Variants in LRMDA observed in about 807,000 individuals in gnomAD.
LRMDA encodes leucine-rich melanocyte differentiation-associated protein.
In LRMDA, 18 loss-of-function variants were observed where a neutral mutation model predicts 29.8. The observed-to-expected ratio is 0.60, with a 90% CI of 0.42 to 0.90. The LOEUF (loss-of-function observed/expected upper bound fraction) is 0.90. Ranked by LOEUF, LRMDA falls within the 40% of genes least tolerant of loss-of-function variation. The probability of loss-of-function intolerance (pLI) is 0.00; values close to 1 mark genes in which losing one functional copy is unlikely to be tolerated. For synonymous variants in LRMDA, 125 were observed against 109.4 expected (o/e 1.14, Z -0.89); for missense variants, 273 against 273.9 (o/e 1.00, Z 0.02).
intron 6 of LRMDA, among the ~76,000 whole-genome samples, chr10:76,326,539 A>G (rs575477437): frequency 4.6e-5 from 7 of 152,338 alleles, no homozygotes; most frequent in African/African-American, 1.2e-4. Context: ...GAAATTCTCC[A>G]TGATGTCTGA....
intron 6 of LRMDA, among the ~76,000 whole-genome samples, chr10:76,418,245 A>G (rs1473999340): frequency 6.6e-6 from 1 of 152,046 alleles, no homozygotes; most frequent in Non-Finnish European, 1.5e-5. Flanking sequence ...GCAATGTGAC[A>G]TCTTCTAATT....
At chr10:76,324,512 C>T in intron 6 of LRMDA, 27 bp downstream of exon 6, 2 of 1,600,694 alleles carry the variant, frequency 1.2e-6, no homozygotes, top group Non-Finnish European at 1.7e-6. Context: ...TTATTGCTCT[C>T]AGTGGGTGCA....
intron 2 of LRMDA, among the ~76,000 whole-genome samples, chr10:75,540,161 G>A (rs1010699711): frequency 3.9e-5 from 6 of 152,196 alleles, no homozygotes; most frequent in Non-Finnish European, 5.9e-5. Context: ...AGAAGTGGGT[G>A]TGGGAGCGTA....
At chr10:75,684,480 C>A (rs1409453096) in intron 2 of LRMDA, among the ~76,000 whole-genome samples, 1 of 152,104 alleles carries the variant, frequency 6.6e-6, no homozygotes, top group Non-Finnish European at 1.5e-5. Flanking sequence ...AAATTCTTAG[C>A]CAGATATTCC....
At chr10:76,168,675 G>GATGATGAGTAGATGAAACTGT in intron 5 of LRMDA, among the ~76,000 whole-genome samples, 1 of 152,190 alleles carries the variant, frequency 6.6e-6, no homozygotes, top group Non-Finnish European at 1.5e-5. Flanking sequence ...GATGAAAGGG[G>GATGATGAGTAGATGAAACTGT]ATGATGAGTA....
chr10:75,772,447 C>T (rs115503049), intron 2 of LRMDA, among the ~76,000 whole-genome samples: 20 of 152,276 alleles, frequency 1.3e-4, no homozygotes, highest in African/African-American at 4.8e-4. Flanking sequence ...GCAGAAGTTT[C>T]GGTTTCATTT....
chr10:76,198,982 C>T (rs1851379791), intron 5 of LRMDA, among the ~76,000 whole-genome samples: 1 of 151,886 alleles, frequency 6.6e-6, no homozygotes, highest in Non-Finnish European at 1.5e-5. Flanking sequence ...CTCTGTTGTG[C>T]TTTTTTATTG....
intron 5 of LRMDA, among the ~76,000 whole-genome samples, chr10:76,098,623 T>G (rs1428500659): frequency 6.6e-6 from 1 of 152,142 alleles, no homozygotes; most frequent in East Asian, 1.9e-4. Flanking sequence ...TGTATTGACT[T>G]TTTTTTAAAG....
chr10:75,601,081 G>A (rs943775745), intron 2 of LRMDA, among the ~76,000 whole-genome samples: 6 of 152,150 alleles, frequency 3.9e-5, no homozygotes, highest in African/African-American at 1.4e-4. Flanking sequence ...ATTTGTTATT[G>A]AATGACCTTT....
chr10:76,363,889 C>T (rs1042120613), intron 6 of LRMDA, among the ~76,000 whole-genome samples: 1 of 152,148 alleles, frequency 6.6e-6, no homozygotes, highest in South Asian at 2.1e-4. Context: ...ATCACTGGAA[C>T]ATAGGGTATC....
chr10:75,583,330 G>A (rs9415118), intron 2 of LRMDA, among the ~76,000 whole-genome samples: 93,078 of 152,044 alleles, frequency 0.61, 31,502 homozygotes, highest in East Asian at 0.85. Flanking sequence ...TGCAGGCTGT[G>A]CAGGAAGCAC....
chr10:75,780,557 T>A (rs986890935), intron 2 of LRMDA, among the ~76,000 whole-genome samples: 3 of 152,086 alleles, frequency 2.0e-5, no homozygotes, highest in Admixed American at 6.6e-5. Flanking sequence ...TGAAGGTGAA[T>A]GTGAGCTATC....
chr10:75,762,511 A>G (rs1843109993), intron 2 of LRMDA, among the ~76,000 whole-genome samples: 2 of 152,350 alleles, frequency 1.3e-5, no homozygotes, highest in Middle Eastern at 3.4e-3. Flanking sequence ...CTTGAGCAGA[A>G]TGTTGACACA....
intron 5 of LRMDA, among the ~76,000 whole-genome samples, chr10:76,210,835 A>G (rs1851621617): frequency 6.6e-6 from 1 of 152,242 alleles, no homozygotes; most frequent in Non-Finnish European, 1.5e-5. Flanking sequence ...TCAAAGGAAC[A>G]TCAGGGACTC....
intron 2 of LRMDA, among the ~76,000 whole-genome samples, chr10:75,913,080 C>T (rs1001035331): frequency 3.3e-5 from 5 of 152,012 alleles, no homozygotes; most frequent in Admixed American, 1.3e-4. Flanking sequence ...TTTCTGGGTC[C>T]CTTCCCACCT....
chr10:75,788,892 C>T (rs988757873), intron 2 of LRMDA, among the ~76,000 whole-genome samples: 4 of 152,222 alleles, frequency 2.6e-5, no homozygotes, highest in African/African-American at 9.6e-5. Context: ...ACTCTTGTCT[C>T]CTTTTCAAGT....
intron 5 of LRMDA, among the ~76,000 whole-genome samples, chr10:76,201,956 G>A (rs1851439826): frequency 6.6e-6 from 1 of 152,088 alleles, no homozygotes; most frequent in African/African-American, 2.4e-5. Context: ...CAGGTCTTTG[G>A]TCTCAGCTGG....
chr10:75,883,769 C>G lies in LRMDA; in HGVS notation c.132-152239C>G, dbSNP rs182572916. On this transcript the variant is annotated intron_variant, in intron 2 of 6. Transcript: ENST00000611255. ...ATTCAATTTAATGACGACAATTTCC[C>G]TACATTTACAACTTCCAGAAGTAAG... 2.7e-3 allele frequency among the ~76,000 whole-genome samples: 409 copies of G among 151,694 alleles called. 5 individuals are homozygous for G. The highest frequency in any genetic ancestry group is 9.1e-3 in the African/African-American group (376 of 41,360).
chr10:76,087,158 G>A (rs1360832167), intron 5 of LRMDA, among the ~76,000 whole-genome samples: 1 of 152,208 alleles, frequency 6.6e-6, no homozygotes, highest in Non-Finnish European at 1.5e-5. Context: ...GTGCACCCCA[G>A]TGTCAGGTAG....
Sources: allele counts gnomAD v4.1 joint callset (sites outside exome capture counted in the v4.1 genomes callset), GRCh38; gene constraint gnomAD v4.1.1; transcripts MANE v1.5; gene names NCBI Gene and HGNC (gene_info 2026-07-23, HGNC 2026-07-21).